SH2B2: variants seen among roughly 807,000 people sequenced by gnomAD.
The protein encoded by SH2B2 is SH2B adaptor protein 2, also known as SH2B adapter protein 2.
In SH2B2, 37 loss-of-function variants were observed where a neutral mutation model predicts 35.7. That is an observed-to-expected ratio of 1.04 (90% confidence interval 0.80 to 1.36). The LOEUF (loss-of-function observed/expected upper bound fraction) is 1.36, where lower values mean the gene tolerates loss of function less well. Among genes scored for constraint, SH2B2 ranks in the 40% most tolerant of loss-of-function variants. The probability of loss-of-function intolerance (pLI) is 0.00; values close to 1 mark genes in which losing one functional copy is unlikely to be tolerated. For missense variants in SH2B2, 852 were observed against 817.7 expected, an observed-to-expected ratio of 1.04 and a Z score of -0.51; for synonymous variants, 383 against 376.4, an observed-to-expected ratio of 1.02 and a Z score of -0.20.
chr7:102,300,405 T>G (rs1431864988), intron 1 of SH2B2, 117 bp from the exon 2 acceptor site: 1 of 1,253,194 alleles, frequency 8.0e-7, no homozygotes, highest in South Asian at 1.6e-5. Context: ...CACACACGTG[T>G]GCATGTACAC....
chr7:102,309,355 C>CT (rs35826295), intron 4 of SH2B2: 36,468 of 181,548 alleles, frequency 0.2, 3,934 homozygotes, highest in Non-Finnish European at 0.23. Flanking sequence ...CTCTCTCTCT[C>CT]TTTTTTTTTT....
intron 7 of SH2B2, among the ~76,000 whole-genome samples, chr7:102,318,940 G>T (rs193169622): frequency 1.2e-4 from 19 of 152,288 alleles, no homozygotes; most frequent in Admixed American, 3.9e-4. Flanking sequence ...AGGCTAGGAT[G>T]GGGGAACAAA....
intron 3 of SH2B2, 39 bp from the exon 4 acceptor site, chr7:102,308,776 C>A: frequency 6.7e-7 from 1 of 1,497,882 alleles, no homozygotes; most frequent in Non-Finnish European, 9.3e-7. Flanking sequence ...AGCCCATCTG[C>A]TGACCGTGTT....
rs1293043200 is a variant in SH2B2 at position 102,317,223 on chromosome 7, C to A, written c.1223C>A (p.Pro408His). The change falls in exon 7 of 9, where the codon CCC becomes CAC. Residue 408 changes from proline (P) to histidine (H), a missense_variant. This residue lies in a region of SH2B2 where 556 missense variants were observed against 514.5 expected (regional missense o/e 1.08). Transcript: ENST00000444095. ...QGAETDPEAE[P>H]ELELSDYPWF... ...GCAGAGACGGATCCCGAGGCTGAAC[C>A]CGAGCTGGAGCTATCCGACTACCCA... 5.0e-6 allele frequency: 8 copies of A among 1,610,556 alleles called. No homozygotes were observed. The highest frequency in any genetic ancestry group is 1.7e-5 in the Admixed American group (1 of 59,560).
chr7:102,306,677 C>G (rs369877390), intron 2 of SH2B2, 44 bp from the exon 3 acceptor site: 2 of 1,416,354 alleles, frequency 1.4e-6, no homozygotes, highest in Non-Finnish European at 2.0e-6. Flanking sequence ...GAAAGGGTGT[C>G]GGGAAATGCT....
In SH2B2 at chr7:102,301,200, AG is replaced by A. The variant is rs1200949465; in HGVS notation, c.651del (p.Gln217HisfsTer62). 1 of 1,591,362 alleles carries A rather than the reference AG, an allele frequency of 6.3e-7. No homozygotes were observed. Among genetic ancestry groups the A allele is most frequent in the Non-Finnish European group, 8.5e-7 (1 of 1,170,766 alleles). ...GCCGCGGGCTCCGGGGGCTCGGCTC[AG>A]TGGCAGAAGTGCCGCCTGCTCCTGC... is the stretch of plus-strand genomic sequence containing the variant. ...DAAAGSGGSA[Q>X]WQKCRLLLRR... is the part of the protein sequence containing the mutation. On this transcript the variant is annotated frameshift_variant, in exon 2 of 9. Coordinates refer to ENST00000444095, the MANE Select transcript of SH2B2 (RefSeq NM_001359228.2). LOFTEE classifies it high-confidence loss of function.
intron 2 of SH2B2, among the ~76,000 whole-genome samples, chr7:102,301,770 G>A (rs996800410): frequency 2.1e-4 from 32 of 152,042 alleles, no homozygotes; most frequent in African/African-American, 7.5e-4. Context: ...ACAGGGTTTT[G>A]CCATGTTGGC....
At chr7:102,285,368 C>A (rs141697362), upstream of SH2B2, 2,541 of 772,408 alleles carry the variant, frequency 3.3e-3, 20 homozygotes, top group Middle Eastern at 0.042. Flanking sequence ...CCTCCTCCCC[C>A]TTCCCGGCCT....
chr7:102,320,228 A>G (rs1794000364), intron 7 of SH2B2, 103 bp from the exon 8 acceptor site: 1 of 999,644 alleles, frequency 1.0e-6, no homozygotes, highest in South Asian at 1.4e-5. Flanking sequence ...ACACAGCCCC[A>G]TACAGCCCCT....
chr7:102,287,282 C>T (rs1792492269), intron 1 of SH2B2, among the ~76,000 whole-genome samples, 188 bp downstream of exon 1: 1 of 152,000 alleles, frequency 6.6e-6, no homozygotes, highest in African/African-American at 2.4e-5. Flanking sequence ...AGGGGAGGCG[C>T]CCCCGGCTGG....
Position 102,321,308 on chromosome 7 carries a change from C to T in SH2B2, c.1577C>T (p.Pro526Leu). The part of the protein sequence containing the change: ...RAQDPPPEPG[P>L]TPPAAPASPA... ...CGTCGCCTTGTTGCAGAGCCGGGCC[C>T]CACGCCCCCTGCCGCGCCCGCGTCC... The change falls in exon 9 of 9, where the codon CCC becomes CTC. Residue 526 changes from proline to leucine, a missense_variant. Transcript: ENST00000444095. The T allele has an allele frequency of 2.8e-6, 4 of 1,412,032 alleles. No individual in the cohort carries two copies. The highest frequency in any genetic ancestry group is 3.7e-6 in the Non-Finnish European group (4 of 1,088,342). The allele number at this position is 1,412,032 out of a possible 1,614,324, so 87.5% of individuals were successfully genotyped here.
chr7:102,293,839 C>T (rs1376336117), intron 1 of SH2B2, among the ~76,000 whole-genome samples: 8 of 152,066 alleles, frequency 5.3e-5, no homozygotes, highest in South Asian at 2.1e-4. Context: ...ACACAGGGCC[C>T]GGCCCAGGAT....
intron 1 of SH2B2, among the ~76,000 whole-genome samples, chr7:102,293,491 C>G (rs1476146415): frequency 2.0e-5 from 3 of 151,010 alleles, no homozygotes; most frequent in Admixed American, 6.6e-5. Context: ...CACATTTTTT[C>G]AGGAGGAGAA....
chr7:102,308,932 G>C, intron 4 of SH2B2, 26 bp downstream of exon 4: 1 of 1,573,850 alleles, frequency 6.4e-7, no homozygotes, highest in Non-Finnish European at 8.7e-7. Context: ...GCCCGAAGAT[G>C]GGTGGACAGG....
At chr7:102,296,140 G>A (rs1792905743) in intron 1 of SH2B2, among the ~76,000 whole-genome samples, 1 of 152,238 alleles carries the variant, frequency 6.6e-6, no homozygotes, top group African/African-American at 2.4e-5. Context: ...TGTCCCTGGG[G>A]CTGTCCCTTG....
At chr7:102,309,146 T>G in intron 4 of SH2B2, 2 of 633,798 alleles carry the variant, frequency 3.2e-6, no homozygotes, top group South Asian at 1.5e-5. Context: ...GGAAGGAAGT[T>G]GGACCAGGTC....
At chr7:102,321,002 C>T (rs1156833998) in intron 8 of SH2B2, among the ~76,000 whole-genome samples, 1 of 152,052 alleles carries the variant, frequency 6.6e-6, no homozygotes, top group Admixed American at 6.5e-5. Flanking sequence ...CGTGTGCATG[C>T]GTGCATGGGC....
chr7:102,296,895 C>T (rs1554552573), intron 1 of SH2B2, among the ~76,000 whole-genome samples: 1 of 152,046 alleles, frequency 6.6e-6, no homozygotes, highest in Non-Finnish European at 1.5e-5. Context: ...GGGAGGATCG[C>T]TTGAGCCCAG....
intron 6 of SH2B2, among the ~76,000 whole-genome samples, chr7:102,316,943 C>T (rs1326972082): frequency 6.6e-6 from 1 of 151,840 alleles, no homozygotes. Flanking sequence ...CGCTTGAACC[C>T]GGAAGGCAGA....
Sources: allele counts gnomAD v4.1 joint callset (sites outside exome capture counted in the v4.1 genomes callset), GRCh38; gene constraint gnomAD v4.1.1; regional missense constraint gnomAD v4.1.1; transcripts MANE v1.5; gene names NCBI Gene and HGNC (gene_info 2026-07-23, HGNC 2026-07-21).